SPIRE2: variants seen among roughly 807,000 people sequenced by gnomAD.
The protein encoded by SPIRE2 is protein spire homolog 2.
SPIRE2 carries 76 observed loss-of-function variants against 80.7 expected under a neutral mutation model. The observed-to-expected ratio is 0.94, with a 90% CI of 0.78 to 1.14. The LOEUF (loss-of-function observed/expected upper bound fraction) is 1.14, where lower values mean the gene tolerates loss of function less well. Ranked by LOEUF, SPIRE2 falls within the 50% of genes most tolerant of loss-of-function variation. The pLI, the probability that SPIRE2 is intolerant of heterozygous loss-of-function variation, is 0.00. For missense variants in SPIRE2, 1,196 were observed against 1,015.3 expected (o/e 1.18, Z -2.42); for synonymous variants, 535 against 432.6 (o/e 1.24, Z -2.94).
intron 1 of SPIRE2, among the ~76,000 whole-genome samples, chr16:89,836,836 A>G (rs1270916368): frequency 6.6e-6 from 1 of 151,926 alleles, no homozygotes; most frequent in Non-Finnish European, 1.5e-5. Context: ...AAAAAAAGAA[A>G]AAAAGAAAGT....
intron 3 of SPIRE2, 27 bp from the exon 4 acceptor site, chr16:89,854,259 T>C (rs1475075550): frequency 1.9e-6 from 3 of 1,606,776 alleles, no homozygotes; most frequent in African/African-American, 1.3e-5. Flanking sequence ...GTACCTCCCC[T>C]GGACTGACGA....
At chr16:89,830,836 C>T (rs1288109230) in intron 1 of SPIRE2, among the ~76,000 whole-genome samples, 1 of 149,934 alleles carries the variant, frequency 6.7e-6, no homozygotes, top group African/African-American at 2.4e-5. Context: ...ATTTCCAAGC[C>T]AAGATTAGGA....
At position 89,863,253 on chromosome 16, in the gene SPIRE2, GC is replaced by G. The variant is rs2041759810; in HGVS notation, c.1576-221del. ...AGCGTGGCCAGTGAAGGCTGGGCTG[GC>G]CGGCAGGGTCCGCTGGTCATGGGAG... On this transcript the variant is annotated intron_variant, in intron 10 of 14. Coordinates refer to ENST00000378247, the MANE Select transcript of SPIRE2 (RefSeq NM_032451.2). The surrounding 1 kb of genome is among the most constrained non-coding windows in gnomAD (Gnocchi z 4.3). The G allele has an allele frequency of 1.7e-6, 1 of 583,606 alleles. No individual in the cohort carries two copies. Among genetic ancestry groups the G allele is most frequent in the African/African-American group, 1.9e-5 (1 of 53,466 alleles). 36.2% of individuals were successfully genotyped at this position (583,606 alleles called of 1,614,324 possible). A position where few individuals can be genotyped will look rare whatever the true frequency, so the allele number is the denominator to read the frequency against.
intron 12 of SPIRE2, among the ~76,000 whole-genome samples, chr16:89,867,292 C>T (rs771048944): frequency 4.0e-5 from 6 of 149,760 alleles, no homozygotes; most frequent in African/African-American, 7.3e-5. Flanking sequence ...TACAGGTGCC[C>T]GCCACCATGC....
chr16:89,850,154 C>T (rs755795039), intron 2 of SPIRE2, 150 bp from the exon 3 acceptor site: 10 of 745,434 alleles, frequency 1.3e-5, no homozygotes, highest in African/African-American at 8.6e-5. Flanking sequence ...CCTTTTCATC[C>T]GGTCCATGTC....
intron 13 of SPIRE2, among the ~76,000 whole-genome samples, 173 bp downstream of exon 13, chr16:89,868,389 A>G (rs1220039559): frequency 6.6e-6 from 1 of 152,178 alleles, no homozygotes; most frequent in Non-Finnish European, 1.5e-5. Flanking sequence ...AGACCCTTAC[A>G]GGTTTTTGTT....
intron 1 of SPIRE2, among the ~76,000 whole-genome samples, chr16:89,837,197 G>T (rs141014503): frequency 6.6e-6 from 1 of 152,118 alleles, no homozygotes; most frequent in African/African-American, 2.4e-5. Context: ...ATCTGACTCT[G>T]ACCCTCCCAG....
intron 1 of SPIRE2, among the ~76,000 whole-genome samples, chr16:89,832,366 G>A (rs541930857): frequency 1.3e-5 from 2 of 152,342 alleles, no homozygotes; most frequent in Admixed American, 6.5e-5. Flanking sequence ...GTCTGCAAAC[G>A]TGTGCACATG....
intron 1 of SPIRE2, among the ~76,000 whole-genome samples, chr16:89,840,131 C>G (rs1323431549): frequency 6.6e-6 from 1 of 152,126 alleles, no homozygotes; most frequent in Non-Finnish European, 1.5e-5. Flanking sequence ...CTGGTAACCT[C>G]TGTCCACCAC....
chr16:89,829,756 C>G (rs2041361689), intron 1 of SPIRE2, among the ~76,000 whole-genome samples: 1 of 144,202 alleles, frequency 6.9e-6, no homozygotes, highest in Admixed American at 6.7e-5. Flanking sequence ...TTTGCAGTAT[C>G]CCACACAGGT....
chr16:89,850,125 C>T (rs540529248), intron 2 of SPIRE2, 179 bp from the exon 3 acceptor site: 6 of 713,556 alleles, frequency 8.4e-6, no homozygotes, highest in South Asian at 4.5e-5. Context: ...TGTGGGCCAC[C>T]GCGCCCGGCC....
chr16:89,838,609 C>T (rs1297459786), intron 1 of SPIRE2, among the ~76,000 whole-genome samples: 1 of 152,204 alleles, frequency 6.6e-6, no homozygotes, highest in Non-Finnish European at 1.5e-5. Context: ...TTGCCCCAGA[C>T]CACCAGGCCC....
At chr16:89,859,871 CCCA>C (rs1298612339) in intron 9 of SPIRE2, among the ~76,000 whole-genome samples, 1 of 152,258 alleles carries the variant, frequency 6.6e-6, no homozygotes, top group East Asian at 1.9e-4. Context: ...TTCTTGTCTC[CCCA>C]CCACCACATC....
chr16:89,829,513 G>A (rs1040091558), intron 1 of SPIRE2, among the ~76,000 whole-genome samples: 3 of 152,234 alleles, frequency 2.0e-5, no homozygotes, highest in African/African-American at 2.4e-5. Context: ...TACCCTGCCG[G>A]GGGGCAGAGG....
chr16:89,859,104 G>T (rs2041719079), intron 8 of SPIRE2, 61 bp from the exon 9 acceptor site: 15 of 1,424,660 alleles, frequency 1.1e-5, no homozygotes, highest in Non-Finnish European at 1.4e-5. Context: ...TTCATTCCAG[G>T]CATGGGCAGG....
intron 13 of SPIRE2, among the ~76,000 whole-genome samples, chr16:89,869,059 T>TAC (rs2041815766): frequency 2.2e-5 from 1 of 45,462 alleles, no homozygotes; most frequent in Non-Finnish European, 3.8e-5. Context: ...AAAAAATATA[T>TAC]ATATATATAT....
chr16:89,836,459 C>G (rs914090246), intron 1 of SPIRE2: 1 of 312,434 alleles, frequency 3.2e-6, no homozygotes, highest in Non-Finnish European at 6.5e-6. Flanking sequence ...TCTCTCCATC[C>G]TCCCTTCCAT....
chr16:89,863,855 G>A lies in SPIRE2; in HGVS notation c.1772G>A (p.Cys591Tyr), dbSNP rs772259964. Reference sequence around the variant, plus strand: ...TCGTGGCCGCCCAGCTGTCTCTTCTGCAAGAGGTGAGCCTTCCCTTTAGCT... The same window carrying A: ...TCGTGGCCGCCCAGCTGTCTCTTCTACAAGAGGTGAGCCTTCCCTTTAGCT... ...LFSWPPSCLF[C>Y]KRAVCTSCSI... Residue 591 changes from cysteine (C) to tyrosine (Y), a missense_variant, in exon 12 of 15, where the codon TGC (cysteine) becomes TAC (tyrosine). Transcript: ENST00000378247. This position sits in a 1 kb window ranked among gnomAD's most constrained non-coding sequence, Gnocchi z 4.3. 6.2e-7 allele frequency: 1 copy of A among 1,613,414 alleles called. No homozygotes were observed. Among genetic ancestry groups the A allele is most frequent in the East Asian group, 2.2e-5 (1 of 44,878 alleles).
chr16:89,837,958 G>A (rs940963375), intron 1 of SPIRE2, among the ~76,000 whole-genome samples: 5 of 152,114 alleles, frequency 3.3e-5, no homozygotes, highest in Admixed American at 6.5e-5. Flanking sequence ...GGTTTCGTGC[G>A]GGCGTTTCTC....
Sources: gnomAD v4.1 joint callset for allele counts (sites outside exome capture counted in the v4.1 genomes callset) on GRCh38, gnomAD v4.1.1 for gene constraint, Gnocchi (gnomAD v3.1) non-coding constraint, MANE v1.5 for transcripts, NCBI Gene and HGNC (gene_info 2026-07-23, HGNC 2026-07-21) for gene names.